The following KCNQ5 variants were observed in gnomAD, a reference collection of about 807,000 sequenced individuals.
The protein encoded by KCNQ5 is potassium voltage-gated channel subfamily Q member 5.
KCNQ5 carries 30 observed loss-of-function variants against 98.2 expected under a neutral mutation model. The ratio of observed to expected loss-of-function variants is 0.31; its 90% CI spans 0.23 to 0.41. The LOEUF is 0.41. Ranked by LOEUF, KCNQ5 falls within the 10% of genes least tolerant of loss-of-function variation. The probability of loss-of-function intolerance (pLI) is 1.00; values close to 1 mark genes in which losing one functional copy is unlikely to be tolerated. For missense variants in KCNQ5, 835 were observed against 1,182.5 expected (o/e 0.71, Z 4.31); for synonymous variants, 458 against 449.4 (o/e 1.02, Z -0.24).
chr6:73,124,985 A>T (rs1470447233), intron 9 of KCNQ5, among the ~76,000 whole-genome samples: 1 of 3,944 alleles, frequency 2.5e-4, no homozygotes, highest in African/African-American at 9.3e-4. Flanking sequence ...ATATATACAC[A>T]CACACACATA....
At chr6:73,155,913 C>T (rs537519934) in intron 10 of KCNQ5, among the ~76,000 whole-genome samples, 1 of 152,264 alleles carries the variant, frequency 6.6e-6, no homozygotes, top group Non-Finnish European at 1.5e-5. Context: ...GTTCCTTATT[C>T]ATGCCTTGAG....
intron 1 of KCNQ5, among the ~76,000 whole-genome samples, chr6:72,882,840 C>G: frequency 6.6e-6 from 1 of 152,070 alleles, no homozygotes; most frequent in East Asian, 1.9e-4. Context: ...GGTGATTTTC[C>G]AAAGAATACA....
intron 1 of KCNQ5, among the ~76,000 whole-genome samples, chr6:72,962,088 G>A (rs1212423443): frequency 6.6e-6 from 1 of 151,284 alleles, no homozygotes; most frequent in East Asian, 1.9e-4. Flanking sequence ...TGAGGCAGGA[G>A]GATCGCTTGA....
At chr6:72,888,781 G>C (rs1027536106) in intron 1 of KCNQ5, among the ~76,000 whole-genome samples, 5 of 152,156 alleles carry the variant, frequency 3.3e-5, no homozygotes, top group African/African-American at 1.2e-4. Context: ...TTTCTGCCAT[G>C]TTGCATTCCT....
rs568256519 is a variant in KCNQ5, at chr6:72,836,575, A to G, written c.399-167333A>G. ...CACCTCAGCCTCCCAAGTAGCTGGG[A>G]CTACACATGTGCGCCACCACACTCT... On this transcript the variant is annotated intron_variant, in intron 1 of 13. Transcript: ENST00000370398. Among the ~76,000 whole-genome samples the G allele has an allele frequency of 5.3e-5, 8 of 152,086 alleles. No individual in the cohort carries two copies. The East Asian group carries it at 1.5e-3, about 29-fold the overall frequency.
chr6:72,978,420 T>C (rs1562106159), intron 1 of KCNQ5, among the ~76,000 whole-genome samples: 1 of 152,254 alleles, frequency 6.6e-6, no homozygotes, highest in Non-Finnish European at 1.5e-5. Context: ...AAACATCCTT[T>C]TCAACTGCTA....
intron 1 of KCNQ5, among the ~76,000 whole-genome samples, chr6:72,960,648 G>A (rs577484546): frequency 2.0e-5 from 3 of 152,254 alleles, no homozygotes; most frequent in East Asian, 1.9e-4. Flanking sequence ...GGCTGGTCTC[G>A]AAGTCCTGAC....
intron 1 of KCNQ5, chr6:72,986,565 A>G (rs534902231): frequency 8.3e-5 from 49 of 589,316 alleles, no homozygotes; most frequent in Non-Finnish European, 1.4e-4. Flanking sequence ...GAAAACAAGT[A>G]AAAGAAGGGT....
At chr6:72,747,594 T>C (rs185363115) in intron 1 of KCNQ5, among the ~76,000 whole-genome samples, 7 of 152,234 alleles carry the variant, frequency 4.6e-5, no homozygotes, top group Admixed American at 3.9e-4. Flanking sequence ...TCATCTGATA[T>C]TTTTTATAAT....
At chr6:72,758,149 C>A (rs577510292) in intron 1 of KCNQ5, among the ~76,000 whole-genome samples, 50 of 151,930 alleles carry the variant, frequency 3.3e-4, no homozygotes, top group African/African-American at 1.2e-3. Flanking sequence ...GCATTGCAAG[C>A]AGAAGATAAG....
At chr6:72,951,423 A>AC (rs1483163302) in intron 1 of KCNQ5, among the ~76,000 whole-genome samples, 3 of 143,738 alleles carry the variant, frequency 2.1e-5, no homozygotes. Context: ...GATTACAGGC[A>AC]CCAACCACCA....
At chr6:72,777,140 G>A (rs892582029) in intron 1 of KCNQ5, among the ~76,000 whole-genome samples, 4 of 152,202 alleles carry the variant, frequency 2.6e-5, no homozygotes, top group Non-Finnish European at 5.9e-5. Flanking sequence ...AGAGGATTTT[G>A]TGCCATTTAA....
At chr6:72,987,112 C>G (rs1184854213) in intron 1 of KCNQ5, 2 of 659,422 alleles carry the variant, frequency 3.0e-6, no homozygotes, top group Non-Finnish European at 5.5e-6. Context: ...CTCCGGAATA[C>G]ATCCATCCCC....
chr6:73,085,259 C>T (rs1294778593), intron 5 of KCNQ5, among the ~76,000 whole-genome samples: 1 of 152,138 alleles, frequency 6.6e-6, no homozygotes, highest in Admixed American at 6.5e-5. Flanking sequence ...ATGTCTGGTG[C>T]TATCTTTCTG....
intron 1 of KCNQ5, among the ~76,000 whole-genome samples, chr6:72,754,880 G>T (rs769401082): frequency 5.3e-5 from 8 of 151,956 alleles, no homozygotes; most frequent in Non-Finnish European, 7.4e-5. Context: ...TTATTCTATA[G>T]ATTACTGGAA....
intron 1 of KCNQ5, among the ~76,000 whole-genome samples, chr6:72,998,633 A>C (rs1769417405): frequency 6.6e-6 from 1 of 151,976 alleles, no homozygotes. Flanking sequence ...GCTACTCAGG[A>C]GGCTGAGGCA....
intron 7 of KCNQ5, among the ~76,000 whole-genome samples, chr6:73,118,420 T>C (rs1252137707): frequency 6.6e-6 from 1 of 151,998 alleles, no homozygotes; most frequent in South Asian, 2.1e-4. Context: ...TTTCTGGGTA[T>C]TTTGGAATTT....
intron 1 of KCNQ5, among the ~76,000 whole-genome samples, chr6:72,923,447 T>C (rs1780493766): frequency 6.6e-6 from 1 of 152,186 alleles, no homozygotes; most frequent in Non-Finnish European, 1.5e-5. Flanking sequence ...TGAGGTGATG[T>C]CTCATTACAG....
intron 9 of KCNQ5, chr6:73,125,569 G>A: frequency 2.2e-6 from 1 of 447,368 alleles, no homozygotes; most frequent in Non-Finnish European, 4.5e-6. Context: ...TGTTCTTTTA[G>A]CTTAGTACTA....
Sources: gnomAD v4.1 joint callset for allele counts (sites outside exome capture counted in the v4.1 genomes callset) on GRCh38, gnomAD v4.1.1 for gene constraint, MANE v1.5 for transcripts, NCBI Gene and HGNC (gene_info 2026-07-23, HGNC 2026-07-21) for gene names.